TRPM3: variants seen among roughly 807,000 people sequenced by gnomAD.
TRPM3 encodes the protein long transient receptor potential channel 3.
TRPM3 carries 77 observed loss-of-function variants against 181.2 expected under a neutral mutation model. The ratio of observed to expected loss-of-function variants is 0.42; its 90% CI spans 0.35 to 0.51. TRPM3 has a LOEUF of 0.51. TRPM3 is among the 20% of genes least tolerant of loss of function. The pLI, the probability that TRPM3 is intolerant of heterozygous loss-of-function variation, is 0.01. For synonymous variants in TRPM3, 745 were observed against 796.4 expected (o/e 0.94, Z 1.09); for missense variants, 1,759 against 2,196.7 (o/e 0.80, Z 3.98).
intron 1 of TRPM3, among the ~76,000 whole-genome samples, chr9:71,432,059 T>C (rs1242628137): frequency 6.6e-6 from 1 of 152,188 alleles, no homozygotes; most frequent in Non-Finnish European, 1.5e-5. Flanking sequence ...CATATAAGGA[T>C]TTTACCCAGG....
intron 6 of TRPM3, among the ~76,000 whole-genome samples, chr9:70,801,191 C>T (rs2088896700): frequency 6.6e-6 from 1 of 152,144 alleles, no homozygotes; most frequent in Admixed American, 6.6e-5. Flanking sequence ...CTTGCTCATA[C>T]CTTAGGGTCT....
intron 1 of TRPM3, among the ~76,000 whole-genome samples, chr9:70,891,273 GAAA>G (rs1166630273): frequency 2.6e-5 from 4 of 151,952 alleles, no homozygotes; most frequent in African/African-American, 9.7e-5. Flanking sequence ...CTGAAAAATT[GAAA>G]AAAATAATTG....
In TRPM3 at chr9:70,597,778, A is replaced by G. The variant is rs1436432759; in HGVS notation, c.3048+641T>C. On this transcript the variant is annotated intron_variant, in intron 21 of 25. Transcript: ENST00000677713. ...TTCTTAACAGACATCATTTTCCAGT[A>G]GTGTAACAAACACATGATGCATGAT... Among the ~76,000 whole-genome samples the G allele has an allele frequency of 2.0e-5, 3 of 152,362 alleles. No individual in the cohort carries two copies. In the South Asian group the frequency reaches 6.2e-4, roughly 32 times the overall value.
At chr9:70,542,433 TA>T (rs1394041446) in intron 25 of TRPM3, among the ~76,000 whole-genome samples, 13 of 152,238 alleles carry the variant, frequency 8.5e-5, no homozygotes, top group African/African-American at 3.1e-4. Flanking sequence ...ATAACTCAAG[TA>T]GTGATCAGAG....
intron 1 of TRPM3, among the ~76,000 whole-genome samples, chr9:70,876,665 G>A (rs1234814498): frequency 4.6e-5 from 7 of 151,726 alleles, no homozygotes; most frequent in Non-Finnish European, 7.4e-5. Context: ...TTACACTCAT[G>A]TAGAGTTCTA....
chr9:70,935,683 C>T (rs1182740126), intron 1 of TRPM3, among the ~76,000 whole-genome samples: 1 of 152,136 alleles, frequency 6.6e-6, no homozygotes, highest in East Asian at 1.9e-4. Flanking sequence ...TTAGCTGGAT[C>T]TAATAATTTG....
intron 1 of TRPM3, among the ~76,000 whole-genome samples, chr9:71,436,372 G>A (rs986568622): frequency 2.1e-5 from 3 of 139,614 alleles, no homozygotes; most frequent in Admixed American, 7.9e-5. Context: ...GCTTGATCTC[G>A]GCTCACTGCA....
intron 1 of TRPM3, among the ~76,000 whole-genome samples, chr9:70,997,294 G>A (rs536723935): frequency 3.0e-4 from 45 of 152,250 alleles, no homozygotes; most frequent in African/African-American, 1.1e-3. Flanking sequence ...CGCCTCCTGG[G>A]TTCACGCTAT....
chr9:71,397,452 C>T (rs893278105), intron 1 of TRPM3, among the ~76,000 whole-genome samples: 5 of 152,146 alleles, frequency 3.3e-5, no homozygotes, highest in Admixed American at 3.3e-4. Context: ...TTCTTTGACA[C>T]CCTAAGTTCT....
chr9:70,908,717 A>G (rs73465036), intron 1 of TRPM3, among the ~76,000 whole-genome samples: 13,663 of 152,280 alleles, frequency 0.09, 704 homozygotes, highest in African/African-American at 0.14. Context: ...ACACTCACAC[A>G]TATGAACAGT....
At chr9:70,618,580 C>T (rs2063143700) in intron 17 of TRPM3, among the ~76,000 whole-genome samples, 1 of 152,202 alleles carries the variant, frequency 6.6e-6, no homozygotes, top group Non-Finnish European at 1.5e-5. Flanking sequence ...ATGGCAGCCC[C>T]TGCAGTACCT....
intron 9 of TRPM3, among the ~76,000 whole-genome samples, chr9:70,666,088 A>G (rs1366255102): frequency 6.6e-6 from 1 of 152,190 alleles, no homozygotes; most frequent in Non-Finnish European, 1.5e-5. Context: ...ATGGCTTCCA[A>G]GGAACCGTAG....
chr9:71,027,165 A>G (rs1046415856), intron 1 of TRPM3, among the ~76,000 whole-genome samples: 3 of 152,164 alleles, frequency 2.0e-5, no homozygotes, highest in African/African-American at 7.2e-5. Context: ...GCCCAATATC[A>G]GTCCCCCAGA....
chr9:71,018,357 G>A (rs1248114851), intron 1 of TRPM3, among the ~76,000 whole-genome samples: 5 of 151,690 alleles, frequency 3.3e-5, no homozygotes, highest in East Asian at 1.9e-4. Flanking sequence ...TAAACAAATA[G>A]ACACAATAGA....
intron 1 of TRPM3, among the ~76,000 whole-genome samples, chr9:71,380,442 T>A (rs2092772312): frequency 6.6e-6 from 1 of 151,986 alleles, no homozygotes; most frequent in Non-Finnish European, 1.5e-5. Flanking sequence ...AATGGAAAAT[T>A]TTTAATTTGA....
chr9:70,668,921 A>G (rs1034827207), intron 9 of TRPM3, among the ~76,000 whole-genome samples: 3 of 152,240 alleles, frequency 2.0e-5, no homozygotes, highest in African/African-American at 7.2e-5. Flanking sequence ...GCCAAGAAAG[A>G]AAAGTATGAT....
At chr9:70,793,471 T>TAAA (rs1255278684) in intron 6 of TRPM3, 2 of 113,478 alleles carry the variant, frequency 1.8e-5, no homozygotes, top group East Asian at 6.1e-4. Context: ...AAAAAAAAAA[T>TAAA]ATATATATAT....
At chr9:70,692,382 C>T (rs1413175276) in intron 8 of TRPM3, among the ~76,000 whole-genome samples, 2 of 152,156 alleles carry the variant, frequency 1.3e-5, no homozygotes, top group African/African-American at 2.4e-5. Flanking sequence ...TTAAAAATAA[C>T]CCCTAGAAGT....
intron 22 of TRPM3, among the ~76,000 whole-genome samples, chr9:70,557,684 G>A (rs1253624636): frequency 1.3e-5 from 2 of 152,208 alleles, no homozygotes; most frequent in Non-Finnish European, 1.5e-5. Flanking sequence ...TGGCACATGG[G>A]TGGATGTTTA....
Sources: gnomAD v4.1 joint callset for allele counts (sites outside exome capture counted in the v4.1 genomes callset) on GRCh38, gnomAD v4.1.1 for gene constraint, MANE v1.5 for transcripts, NCBI Gene and HGNC (gene_info 2026-07-23, HGNC 2026-07-21) for gene names.